The following TMEM243 variants were observed in gnomAD, a reference collection of about 807,000 sequenced individuals.
TMEM243 encodes the protein MDR1 and mitochondrial taxol resistance associated.
In TMEM243, 20 loss-of-function variants were observed where a neutral mutation model predicts 15.0. The observed-to-expected ratio is 1.33, with a 90% confidence interval of 0.94 to 1.93. The LOEUF is 1.93. TMEM243 is among the 30% of genes most tolerant of loss of function. TMEM243 has a pLI of 0.00. For missense variants in TMEM243, 156 were observed against 142.1 expected, an observed-to-expected ratio of 1.10 and a Z score of -0.50; for synonymous variants, 72 against 52.7, an observed-to-expected ratio of 1.37 and a Z score of -1.59.
At chr7:87,209,713 AGACACAGT>A (rs1802550159) in intron 1 of TMEM243, among the ~76,000 whole-genome samples, 4 of 146,854 alleles carry the variant, frequency 2.7e-5, no homozygotes, top group African/African-American at 1.0e-4. Flanking sequence ...AGTGAGAGCG[AGACACAGT>A]GAGAGCGAGA....
chr7:87,205,970 T>C (rs915075989), intron 1 of TMEM243, among the ~76,000 whole-genome samples: 5 of 152,288 alleles, frequency 3.3e-5, no homozygotes, highest in African/African-American at 9.6e-5. Flanking sequence ...TACCTGAGAC[T>C]GGGTAATTTA....
At chr7:87,210,856 C>A (rs1802695025) in intron 1 of TMEM243, among the ~76,000 whole-genome samples, 1 of 152,250 alleles carries the variant, frequency 6.6e-6, no homozygotes, top group South Asian at 2.1e-4. Context: ...CCTCTGAAAT[C>A]TAGGCGGAGG....
chr7:87,215,330 C>G (rs1803027760), intron 1 of TMEM243, among the ~76,000 whole-genome samples: 2 of 152,008 alleles, frequency 1.3e-5, no homozygotes, highest in South Asian at 4.2e-4. Flanking sequence ...TTTCAAAATC[C>G]TGGGCTCAAG....
At chr7:87,219,820 C>CCG (rs1803381385), upstream of TMEM243, 1 of 382,152 alleles carries the variant, frequency 2.6e-6, no homozygotes. Context: ...GCCCTTGGCG[C>CCG]CGCGTGGCTC....
chr7:87,220,101 G>C (rs1023008085), upstream of TMEM243: 2 of 153,460 alleles, frequency 1.3e-5, no homozygotes, highest in Admixed American at 1.3e-4. Context: ...CGGGAGGAGT[G>C]AAGTTGCCGG....
chr7:87,220,531 C>G (rs1307293254), upstream of TMEM243: 1 of 152,320 alleles, frequency 6.6e-6, no homozygotes, highest in Non-Finnish European at 1.5e-5. Context: ...CACCTCCCGG[C>G]TCCTTCTCAG....
chr7:87,219,438 C>A lies in TMEM243; in HGVS notation c.66G>T (p.Glu22Asp). 1 of 1,614,248 alleles carries A rather than the reference C, an allele frequency of 6.2e-7. No homozygotes were observed. The highest frequency in any genetic ancestry group is 8.5e-7 in the Non-Finnish European group (1 of 1,180,030). The stretch of plus-strand genomic sequence containing the variant: ...AATCCGCACTCACCTTGGCGGACGT[C>A]TCCCCAAACAGAGGTCTGTTGTCCA... ...SGLDNRPLFG[E>D]TSAKDRIINL... The change falls in exon 1 of 4, where the codon GAG (glutamate) becomes GAT (aspartate). Residue 22 changes from glutamate (E) to aspartate (D), a missense_variant. By Grantham distance (45) the Glu-to-Asp change is conservative. Coordinates refer to ENST00000257637, the MANE Select transcript of TMEM243 (RefSeq NM_024315.4).
chr7:87,215,637 C>CA (rs1803052321), intron 1 of TMEM243, among the ~76,000 whole-genome samples: 1 of 152,086 alleles, frequency 6.6e-6, no homozygotes, highest in Non-Finnish European at 1.5e-5. Context: ...TATTTCTTAT[C>CA]ATCTTGGTAT....
intron 1 of TMEM243, chr7:87,199,694 C>T (rs1240235462): frequency 6.6e-6 from 1 of 152,068 alleles, no homozygotes; most frequent in Non-Finnish European, 1.5e-5. Context: ...ATTCCCATCC[C>T]ACCCCAACCA....
Position 87,201,749 on chromosome 7 carries a change from TAACTC to T in TMEM243, c.79-2697_79-2693del, listed in dbSNP as rs1801824675. Among the ~76,000 whole-genome samples, 3 of 152,194 alleles carry T rather than the reference TAACTC, an allele frequency of 2.0e-5. No individual in the cohort carries two copies. In the South Asian group the frequency reaches 6.2e-4, roughly 32 times the overall value. On this transcript the variant is annotated intron_variant, in intron 1 of 3. Coordinates refer to ENST00000257637, the MANE Select transcript of TMEM243 (RefSeq NM_024315.4). ...TTCTACTTCTACAGCTAGTCTCTAT[TAACTC>T]AATTATTTCTCACAGAAACTAGCTC...
chr7:87,199,138 G>A, intron 1 of TMEM243, 81 bp from the exon 2 acceptor site: 1 of 1,178,216 alleles, frequency 8.5e-7, no homozygotes, highest in Non-Finnish European at 1.2e-6. Context: ...GCATTTGGAT[G>A]GTTTACTATA....
At chr7:87,215,404 T>C (rs1007208806) in intron 1 of TMEM243, among the ~76,000 whole-genome samples, 9 of 152,164 alleles carry the variant, frequency 5.9e-5, no homozygotes, top group Non-Finnish European at 1.0e-4. Context: ...ATGCCTAGTT[T>C]AAAATTTTTT....
chr7:87,213,072 AACG>A (rs1257950101), intron 1 of TMEM243, among the ~76,000 whole-genome samples: 1 of 152,178 alleles, frequency 6.6e-6, no homozygotes, highest in Non-Finnish European at 1.5e-5. Flanking sequence ...CAGAAAGGAG[AACG>A]ACATTTATGA....
At chr7:87,201,717 T>G (rs1156932459) in intron 1 of TMEM243, among the ~76,000 whole-genome samples, 1 of 152,224 alleles carries the variant, frequency 6.6e-6, no homozygotes, top group Non-Finnish European at 1.5e-5. Flanking sequence ...AAATTGAAAC[T>G]CATTATTTCT....
chr7:87,219,624 T>G lies in TMEM243; in HGVS notation c.-121A>C, dbSNP rs546508270. 1.1e-6 allele frequency: 1 copy of G among 879,416 alleles called. No individual in the cohort carries two copies. Among genetic ancestry groups the G allele is most frequent in the South Asian group, 1.6e-5 (1 of 64,466 alleles). 54.5% of individuals were successfully genotyped at this position (879,416 alleles called of 1,614,324 possible). A position where few individuals can be genotyped will look rare whatever the true frequency, so the allele number is the denominator to read the frequency against. On this transcript the variant is annotated 5_prime_UTR_variant, in exon 1 of 4. Transcript: ENST00000257637. Reference sequence around the variant, plus strand: ...CTCCCGCATAGCCGAACCCGAGTGGTCGGGGAAGCGCTGGCGCCAGGGATG... The same window carrying G: ...CTCCCGCATAGCCGAACCCGAGTGGGCGGGGAAGCGCTGGCGCCAGGGATG...
intron 1 of TMEM243, among the ~76,000 whole-genome samples, chr7:87,209,538 A>AAGAC (rs148919580): frequency 0.74 from 106,677 of 144,918 alleles, 39,102 homozygotes; most frequent in Middle Eastern, 0.8. Flanking sequence ...GTGAGAGAGA[A>AAGAC]AGTGAGAGAC....
intron 3 of TMEM243, among the ~76,000 whole-genome samples, chr7:87,197,018 C>T (rs1801337366): frequency 6.6e-6 from 1 of 152,048 alleles, no homozygotes; most frequent in Non-Finnish European, 1.5e-5. Context: ...AGTCATCTGG[C>T]AAGCTATCCA....
At chr7:87,197,156 C>CTGTT (rs1230594162) in intron 3 of TMEM243, among the ~76,000 whole-genome samples, 14 of 152,036 alleles carry the variant, frequency 9.2e-5, no homozygotes, top group Admixed American at 7.9e-4. Flanking sequence ...AGTTCATTGT[C>CTGTT]TGTTAGTCAC....
intron 1 of TMEM243, among the ~76,000 whole-genome samples, chr7:87,211,826 C>T (rs1016875508): frequency 6.6e-6 from 1 of 152,214 alleles, no homozygotes; most frequent in Non-Finnish European, 1.5e-5. Context: ...AGGAGACATT[C>T]TGTCTCACTG....
Sources: gnomAD v4.1 joint callset for allele counts (sites outside exome capture counted in the v4.1 genomes callset) on GRCh38, gnomAD v4.1.1 for gene constraint, MANE v1.5 for transcripts, NCBI Gene and HGNC (gene_info 2026-07-23, HGNC 2026-07-21) for gene names.